LRRTM3: variants seen among roughly 807,000 people sequenced by gnomAD.
LRRTM3 encodes leucine rich repeat transmembrane neuronal 3.
A neutral mutation model predicts 44.7 loss-of-function variants in LRRTM3; 24 were observed. The ratio of observed to expected loss-of-function variants is 0.54; its 90% CI spans 0.39 to 0.76. The LOEUF is 0.76. LRRTM3 is among the 30% of genes least tolerant of loss of function. The pLI, the probability that LRRTM3 is intolerant of heterozygous loss-of-function variation, is 0.00. For synonymous variants in LRRTM3, 277 were observed against 278.7 expected (o/e 0.99, Z 0.06); for missense variants, 587 against 702.2 (o/e 0.84, Z 1.85).
At position 67,075,525 on chromosome 10, in the gene LRRTM3, G is replaced by A. The variant is rs567904999; in HGVS notation, c.1537-22062G>A. Reference sequence around the variant, plus strand: ...TTGGAAATACTTAAGATTCTCCAACGTCACGAGACTACATACTTGCAGTTC... The same window carrying A: ...TTGGAAATACTTAAGATTCTCCAACATCACGAGACTACATACTTGCAGTTC... On this transcript the variant is annotated intron_variant, in intron 2 of 2. Transcript: ENST00000361320. Among the ~76,000 whole-genome samples the A allele has an allele frequency of 4.6e-5, 7 of 152,130 alleles. 1 individual carries two copies. Among genetic ancestry groups the A allele is most frequent in the Admixed American group, 2.0e-4 (3 of 15,270 alleles).
chr10:66,974,637 G>A (rs1849924589), intron 2 of LRRTM3, among the ~76,000 whole-genome samples: 1 of 152,120 alleles, frequency 6.6e-6, no homozygotes, highest in Admixed American at 6.5e-5. Flanking sequence ...ATGTATAAGA[G>A]TTTCATTGGT....
At chr10:67,068,301 A>G (rs1374785841) in intron 2 of LRRTM3, among the ~76,000 whole-genome samples, 1 of 152,194 alleles carries the variant, frequency 6.6e-6, no homozygotes, top group Non-Finnish European at 1.5e-5. Flanking sequence ...AAACACATAT[A>G]GATGGTGACA....
chr10:67,065,514 T>C (rs1856021317), intron 2 of LRRTM3, among the ~76,000 whole-genome samples: 1 of 152,152 alleles, frequency 6.6e-6, no homozygotes. Flanking sequence ...CCACATCTGT[T>C]CCATCTTCTT....
At chr10:67,017,143 T>G (rs1852709167) in intron 2 of LRRTM3, among the ~76,000 whole-genome samples, 1 of 152,216 alleles carries the variant, frequency 6.6e-6, no homozygotes, top group Non-Finnish European at 1.5e-5. Context: ...AAACAATATA[T>G]TCATAGTATG....
chr10:66,936,253 A>T (rs1385897486), intron 2 of LRRTM3, among the ~76,000 whole-genome samples: 1 of 152,166 alleles, frequency 6.6e-6, no homozygotes, highest in African/African-American at 2.4e-5. Flanking sequence ...CTAGATATAG[A>T]CGAAAAGAGA....
chr10:66,980,510 T>C (rs1850360212), intron 2 of LRRTM3, among the ~76,000 whole-genome samples: 1 of 127,052 alleles, frequency 7.9e-6, no homozygotes, highest in Admixed American at 7.9e-5. Context: ...ACCTTCCTTC[T>C]GTTTCCCAAG....
intron 2 of LRRTM3, among the ~76,000 whole-genome samples, chr10:67,064,436 T>C (rs1483918610): frequency 6.6e-6 from 1 of 152,286 alleles, no homozygotes; most frequent in Non-Finnish European, 1.5e-5. Flanking sequence ...AATTTATGTA[T>C]TTTAGAATAA....
At chr10:67,022,145 A>C (rs1419508885) in intron 2 of LRRTM3, among the ~76,000 whole-genome samples, 1 of 152,142 alleles carries the variant, frequency 6.6e-6, no homozygotes, top group Non-Finnish European at 1.5e-5. Context: ...AATATATATC[A>C]AATTTAAGGA....
At chr10:67,023,085 A>G (rs1044346443) in intron 2 of LRRTM3, among the ~76,000 whole-genome samples, 12 of 152,346 alleles carry the variant, frequency 7.9e-5, no homozygotes, top group Admixed American at 3.3e-4. Flanking sequence ...TGAGCTATGT[A>G]TCTAATTCAA....
At chr10:66,966,278 A>T in intron 2 of LRRTM3, among the ~76,000 whole-genome samples, 1 of 152,234 alleles carries the variant, frequency 6.6e-6, no homozygotes, top group Middle Eastern at 3.4e-3. Context: ...TGTGTAGACA[A>T]TTAAATTAAT....
intron 2 of LRRTM3, among the ~76,000 whole-genome samples, chr10:66,974,993 A>C (rs1204810919): frequency 2.0e-5 from 3 of 152,184 alleles, no homozygotes; most frequent in Admixed American, 6.5e-5. Flanking sequence ...ATTCTGAAAC[A>C]ATAGGCCTGG....
intron 2 of LRRTM3, among the ~76,000 whole-genome samples, chr10:67,064,762 G>A (rs1482152710): frequency 6.6e-6 from 1 of 152,138 alleles, no homozygotes; most frequent in East Asian, 1.9e-4. Flanking sequence ...AGTTAGGTAT[G>A]GAAGATGACA....
intron 2 of LRRTM3, among the ~76,000 whole-genome samples, chr10:66,999,094 T>C (rs1046140491): frequency 6.6e-6 from 1 of 152,108 alleles, no homozygotes; most frequent in African/African-American, 2.4e-5. Flanking sequence ...TGGAACACTA[T>C]AGAAACACAG....
intron 2 of LRRTM3, among the ~76,000 whole-genome samples, chr10:66,934,366 A>G (rs1847575371): frequency 6.6e-6 from 1 of 152,086 alleles, no homozygotes; most frequent in Non-Finnish European, 1.5e-5. Context: ...AGAGTCTGTA[A>G]TTCCTATATC....
chr10:66,960,090 A>G (rs561312891), intron 2 of LRRTM3, among the ~76,000 whole-genome samples: 1 of 152,186 alleles, frequency 6.6e-6, no homozygotes, highest in Admixed American at 6.6e-5. Flanking sequence ...TTTCTTTGCT[A>G]GCAGACTCCC....
At chr10:67,005,347 T>C (rs1851904730) in intron 2 of LRRTM3, among the ~76,000 whole-genome samples, 1 of 152,152 alleles carries the variant, frequency 6.6e-6, no homozygotes, top group South Asian at 2.1e-4. Flanking sequence ...CTGATCTAAA[T>C]ACACTTTATC....
intron 2 of LRRTM3, among the ~76,000 whole-genome samples, chr10:66,969,854 T>A (rs1287107286): frequency 6.6e-6 from 1 of 152,130 alleles, no homozygotes; most frequent in Admixed American, 6.5e-5. Context: ...CCTCTATATT[T>A]CCACAACATG....
intron 2 of LRRTM3, among the ~76,000 whole-genome samples, chr10:66,938,881 C>G (rs1589453769): frequency 6.6e-6 from 1 of 152,116 alleles, no homozygotes; most frequent in South Asian, 2.1e-4. Flanking sequence ...TTTGTAGAGG[C>G]TAGGTAGTCA....
rs75822087 is a variant in LRRTM3, at chr10:67,010,159, G to A, written c.1536+81707G>A. On this transcript the variant is annotated intron_variant, in intron 2 of 2. Transcript: ENST00000361320. The stretch of plus-strand genomic sequence containing the variant: ...CATTACAAGAAAAATAAACACACAC[G>A]CATATGCACTAAAGCAGAAGATTAC... Among the ~76,000 whole-genome samples, 357 of 152,050 alleles carry A rather than the reference G, an allele frequency of 2.3e-3. 3 individuals are homozygous for A. Among genetic ancestry groups the A allele is most frequent in the African/African-American group, 8.0e-3 (330 of 41,488 alleles).
Sources: gnomAD v4.1 joint callset for allele counts (sites outside exome capture counted in the v4.1 genomes callset) on GRCh38, gnomAD v4.1.1 for gene constraint, MANE v1.5 for transcripts, NCBI Gene and HGNC (gene_info 2026-07-23, HGNC 2026-07-21) for gene names.